Variants in XKR4 observed in about 807,000 individuals in gnomAD.
XKR4 encodes XK-related protein 4.
In XKR4, 12 loss-of-function variants were observed where a neutral mutation model predicts 53.9. That is an observed-to-expected ratio of 0.22 (90% CI 0.14 to 0.36). The LOEUF (loss-of-function observed/expected upper bound fraction) is 0.36. Among genes scored for constraint, XKR4 ranks in the 10% least tolerant of loss-of-function variants. The pLI, the probability that XKR4 is intolerant of heterozygous loss-of-function variation, is 1.00. For synonymous variants in XKR4, 354 were observed against 362.4 expected (o/e 0.98, Z 0.26); for missense variants, 799 against 859.5 (o/e 0.93, Z 0.88).
chr8:55,175,193 T>A (rs1353863669), intron 1 of XKR4, among the ~76,000 whole-genome samples: 1 of 152,188 alleles, frequency 6.6e-6, no homozygotes, highest in Non-Finnish European at 1.5e-5. Flanking sequence ...TGTGCCACTG[T>A]GAATAAGTAG....
chr8:55,241,186 T>C (rs950288902), intron 1 of XKR4, among the ~76,000 whole-genome samples: 3 of 152,220 alleles, frequency 2.0e-5, no homozygotes, highest in African/African-American at 7.2e-5. Flanking sequence ...TTATTGGAAC[T>C]TTCAACCCGT....
intron 2 of XKR4, among the ~76,000 whole-genome samples, chr8:55,377,836 A>G (rs1320069377): frequency 6.6e-6 from 1 of 152,158 alleles, no homozygotes; most frequent in Non-Finnish European, 1.5e-5. Context: ...AGACCCCAGA[A>G]AGGCACTTCT....
At chr8:55,393,822 A>T (rs1313067942) in intron 2 of XKR4, among the ~76,000 whole-genome samples, 1 of 152,214 alleles carries the variant, frequency 6.6e-6, no homozygotes. Flanking sequence ...CCCATAAAAC[A>T]TAAATGCCTC....
chr8:55,457,124 G>C (rs1251131424), intron 2 of XKR4, among the ~76,000 whole-genome samples: 1 of 143,214 alleles, frequency 7.0e-6, no homozygotes, highest in Non-Finnish European at 1.5e-5. Context: ...ACATATTCAA[G>C]TGCTGAATTT....
At chr8:55,376,082 G>A (rs1204055995) in intron 2 of XKR4, among the ~76,000 whole-genome samples, 1 of 152,172 alleles carries the variant, frequency 6.6e-6, no homozygotes, top group Non-Finnish European at 1.5e-5. Context: ...TGGCTGCATA[G>A]TATTACATGG....
In XKR4 at chr8:55,320,136, G is replaced by C. The variant is rs143334457; in HGVS notation, c.807-37542G>C. 2.6e-3 allele frequency among the ~76,000 whole-genome samples: 390 copies of C among 152,314 alleles called. 1 individual carries two copies. The highest frequency in any genetic ancestry group is 0.01 in the Middle Eastern group (3 of 294). On this transcript the variant is annotated intron_variant, in intron 1 of 2. Transcript: ENST00000327381. Reference sequence around the variant, plus strand: ...CAATGTGTTATATTACGTTAGGCAGGCTAGAAAGCCTTACTCTGTATTGAT... The same window carrying C: ...CAATGTGTTATATTACGTTAGGCAGCCTAGAAAGCCTTACTCTGTATTGAT...
intron 2 of XKR4, among the ~76,000 whole-genome samples, chr8:55,381,316 G>GA: frequency 6.6e-6 from 1 of 152,184 alleles, no homozygotes; most frequent in Middle Eastern, 3.4e-3. Flanking sequence ...ACATAATTTG[G>GA]AATCAACAAG....
chr8:55,154,791 T>C (rs2129356107), intron 1 of XKR4, among the ~76,000 whole-genome samples: 1 of 152,356 alleles, frequency 6.6e-6, no homozygotes, highest in South Asian at 2.1e-4. Context: ...TAAAAAGTGT[T>C]CATAGAAAGT....
At chr8:55,408,420 C>T (rs1161181775) in intron 2 of XKR4, among the ~76,000 whole-genome samples, 1 of 152,182 alleles carries the variant, frequency 6.6e-6, no homozygotes, top group Non-Finnish European at 1.5e-5. Context: ...GTCCTGGCTT[C>T]ACTACTCAAT....
intron 2 of XKR4, among the ~76,000 whole-genome samples, chr8:55,521,442 T>C (rs1218492498): frequency 6.6e-6 from 1 of 152,256 alleles, no homozygotes; most frequent in Non-Finnish European, 1.5e-5. Flanking sequence ...TTGATGTCGA[T>C]GTTTTCTGTT....
chr8:55,159,154 G>C (rs1389942235), intron 1 of XKR4, among the ~76,000 whole-genome samples: 1 of 152,008 alleles, frequency 6.6e-6, no homozygotes, highest in Non-Finnish European at 1.5e-5. Context: ...TGACTATTTT[G>C]AGCAGTATTT....
intron 1 of XKR4, among the ~76,000 whole-genome samples, chr8:55,255,120 C>T (rs998768649): frequency 6.6e-6 from 1 of 152,156 alleles, no homozygotes; most frequent in Non-Finnish European, 1.5e-5. Flanking sequence ...CTGTATGTCT[C>T]CACAATTACA....
intron 1 of XKR4, among the ~76,000 whole-genome samples, chr8:55,334,714 G>A (rs1366810394): frequency 6.6e-6 from 1 of 152,168 alleles, no homozygotes; most frequent in African/African-American, 2.4e-5. Flanking sequence ...AGATGTGTAT[G>A]GGTGCAGGTG....
intron 2 of XKR4, among the ~76,000 whole-genome samples, chr8:55,488,553 G>A (rs1041509634): frequency 7.9e-5 from 12 of 152,244 alleles, no homozygotes; most frequent in Middle Eastern, 3.4e-3. Context: ...AATTTTAAAC[G>A]TATTGTACTA....
chr8:55,356,442 AGGATAATCCATGTT>A (rs1803797572), intron 1 of XKR4, among the ~76,000 whole-genome samples: 1 of 152,204 alleles, frequency 6.6e-6, no homozygotes, highest in South Asian at 2.1e-4. Context: ...AGGACATGGA[AGGATAATCCATGTT>A]GTAAAAAAGA....
At chr8:55,486,184 G>T (rs1806189003) in intron 2 of XKR4, among the ~76,000 whole-genome samples, 2 of 152,132 alleles carry the variant, frequency 1.3e-5, no homozygotes, top group African/African-American at 4.8e-5. Context: ...CATCACTTTG[G>T]TGCATAATTG....
In XKR4 at chr8:55,530,717, T is replaced by C. The variant is rs1806939791; in HGVS notation, c.*6490T>C. The C allele has an allele frequency of 6.6e-6, 1 of 152,256 alleles. No individual in the cohort carries two copies. Among genetic ancestry groups the C allele is most frequent in the Admixed American group, 6.5e-5 (1 of 15,288 alleles). 9.4% of individuals were successfully genotyped at this position (152,256 alleles called of 1,614,324 possible). A position where few individuals can be genotyped will look rare whatever the true frequency, so the allele number is the denominator to read the frequency against. On this transcript the variant is annotated 3_prime_UTR_variant, in exon 3 of 3. Transcript: ENST00000327381. The stretch of plus-strand genomic sequence containing the variant: ...GATTTAAGAGATCTTTATGAATTTA[T>C]ATAAAATTAGAAGTCACTGATTTTT...
rs888939009 is a variant in XKR4, at chr8:55,529,399, T to G, written c.*5172T>G. 6.6e-6 allele frequency: 1 copy of G among 152,012 alleles called. No individual in the cohort carries two copies. The highest frequency in any genetic ancestry group is 2.4e-5 in the African/African-American group (1 of 41,374). 9.4% of individuals were successfully genotyped at this position (152,012 alleles called of 1,614,324 possible). ...TCAGAAACGAGCTGCCTAAATCAAGTTTTGCTTTTGGTTATTTCACTTCCC... is the reference window on the plus strand; with the variant it reads ...TCAGAAACGAGCTGCCTAAATCAAGGTTTGCTTTTGGTTATTTCACTTCCC... On this transcript the variant is annotated 3_prime_UTR_variant, in exon 3 of 3. Coordinates refer to ENST00000327381, the MANE Select transcript of XKR4 (RefSeq NM_052898.2).
intron 1 of XKR4, among the ~76,000 whole-genome samples, chr8:55,106,691 C>CTATG (rs1045968591): frequency 3.9e-5 from 6 of 152,074 alleles, no homozygotes; most frequent in Middle Eastern, 3.2e-3. Context: ...TGAATTTCTC[C>CTATG]TATGTATGTA....
Sources: gnomAD v4.1 joint callset for allele counts (sites outside exome capture counted in the v4.1 genomes callset) on GRCh38, gnomAD v4.1.1 for gene constraint, MANE v1.5 for transcripts, NCBI Gene and HGNC (gene_info 2026-07-23, HGNC 2026-07-21) for gene names.